The following UBE2K variants were observed in gnomAD, a reference collection of about 807,000 sequenced individuals.
UBE2K encodes ubiquitin-conjugating enzyme E2 K.
In UBE2K, 6 loss-of-function variants were observed where a neutral mutation model predicts 30.0. The observed-to-expected ratio is 0.20, with a 90% CI of 0.11 to 0.39. The LOEUF (loss-of-function observed/expected upper bound fraction) is 0.39, where lower values mean the gene tolerates loss of function less well. Ranked by LOEUF, UBE2K falls within the 10% of genes least tolerant of loss-of-function variation. The pLI is 1.00. For missense variants in UBE2K, 61 were observed against 241.6 expected (o/e 0.25, Z 4.96); for synonymous variants, 86 against 83.7 (o/e 1.03, Z -0.15).
At chr4:39,703,151 C>T (rs58438882) in intron 1 of UBE2K, among the ~76,000 whole-genome samples, 16,250 of 152,060 alleles carry the variant, frequency 0.11, 1,263 homozygotes, top group East Asian at 0.22. Flanking sequence ...CTACCATGCC[C>T]GGTTAATGTT....
chr4:39,733,457 C>T (rs918675824), intron 1 of UBE2K, among the ~76,000 whole-genome samples: 5 of 151,632 alleles, frequency 3.3e-5, no homozygotes, highest in Admixed American at 6.6e-5. Context: ...CTCAGTCTCC[C>T]GAGTAGCTGG....
chr4:39,736,090 AAGTC>A (rs1302626396), intron 1 of UBE2K, among the ~76,000 whole-genome samples: 2 of 152,114 alleles, frequency 1.3e-5, no homozygotes, highest in African/African-American at 2.4e-5. Flanking sequence ...AAGTTTAAGA[AAGTC>A]AGTCTAAAAG....
At chr4:39,718,313 G>C (rs1452650970) in intron 1 of UBE2K, among the ~76,000 whole-genome samples, 1 of 152,182 alleles carries the variant, frequency 6.6e-6, no homozygotes, top group Non-Finnish European at 1.5e-5. Context: ...CAAACCCTGA[G>C]CTAGACACAG....
chr4:39,710,034 T>TG (rs1718582360), intron 1 of UBE2K: 1 of 151,988 alleles, frequency 6.6e-6, no homozygotes, highest in African/African-American at 2.4e-5. Context: ...TCTGAAAAGG[T>TG]GGGAGAACTT....
chr4:39,746,364 C>A (rs1720989626), intron 3 of UBE2K, among the ~76,000 whole-genome samples: 1 of 152,124 alleles, frequency 6.6e-6, no homozygotes, highest in Non-Finnish European at 1.5e-5. Context: ...GGGACCCAAC[C>A]TAAACTTATT....
chr4:39,713,785 T>G (rs1454622253), intron 1 of UBE2K: 1 of 152,032 alleles, frequency 6.6e-6, no homozygotes, highest in Non-Finnish European at 1.5e-5. Context: ...TGCTCTATCA[T>G]TCATTATTTG....
chr4:39,720,240 G>A (rs1719345169), intron 1 of UBE2K, among the ~76,000 whole-genome samples: 1 of 152,064 alleles, frequency 6.6e-6, no homozygotes, highest in East Asian at 1.9e-4. Flanking sequence ...GCATGTAAGT[G>A]TTAATAATGT....
chr4:39,770,371 A>G, intron 4 of UBE2K: 2 of 1,613,452 alleles, frequency 1.2e-6, no homozygotes, highest in South Asian at 1.1e-5. Context: ...TCCTTGCCAC[A>G]GCGAGGGCAC....
chr4:39,728,380 C>T (rs191375734), intron 1 of UBE2K, among the ~76,000 whole-genome samples: 75 of 152,214 alleles, frequency 4.9e-4, no homozygotes, highest in African/African-American at 1.5e-3. Context: ...GAGACTGAGG[C>T]GGGAGAATTG....
At chr4:39,770,240 G>T (rs1228826410) in intron 4 of UBE2K, 3 of 1,605,726 alleles carry the variant, frequency 1.9e-6, no homozygotes, top group Non-Finnish European at 2.6e-6. Context: ...CCGAGTGCAG[G>T]TTGAGGTGGT....
rs115308783 is a variant in UBE2K at position 39,722,043 on chromosome 4, C to T, written c.64-15377C>T. Among the ~76,000 whole-genome samples the T allele has an allele frequency of 6.9e-3, 1,055 of 152,246 alleles. 13 individuals carry two copies. Among genetic ancestry groups the T allele is most frequent in the African/African-American group, 0.024 (997 of 41,528 alleles). ...GGTACAGTGCCATGATCATGGCTCA[C>T]TGCAGCCTCTGCAGTCCGGCCTAGG... On this transcript the variant is annotated intron_variant, in intron 1 of 6. Transcript: ENST00000261427.
At chr4:39,767,641 A>T (rs1005445352) in intron 4 of UBE2K, among the ~76,000 whole-genome samples, 4 of 152,138 alleles carry the variant, frequency 2.6e-5, no homozygotes, top group Non-Finnish European at 4.4e-5. Context: ...TCAGTTTTCA[A>T]GAAAAGTGTT....
intron 4 of UBE2K, among the ~76,000 whole-genome samples, chr4:39,766,807 T>A (rs1019988685): frequency 2.0e-5 from 3 of 152,168 alleles, no homozygotes; most frequent in Non-Finnish European, 4.4e-5. Context: ...TGGATTGCAG[T>A]GACACAATCT....
In UBE2K at chr4:39,782,490, T is replaced by A. The variant is rs1169251953; in HGVS notation, c.*4056T>A. ...TACTGCCATTATAGGGAACCTTGCT[T>A]GTTAGCTTCTCTAGATCTCTATTCT... On this transcript the variant is annotated 3_prime_UTR_variant, in exon 7 of 7. Coordinates refer to ENST00000261427, the MANE Select transcript of UBE2K (RefSeq NM_005339.5). 6.6e-6 allele frequency: 1 copy of A among 152,146 alleles called. No homozygotes were observed. Among genetic ancestry groups the A allele is most frequent in the Non-Finnish European group, 1.5e-5 (1 of 68,036 alleles). 9.4% of individuals were successfully genotyped at this position (152,146 alleles called of 1,614,324 possible).
chr4:39,701,021 G>T (rs114057987), intron 1 of UBE2K, among the ~76,000 whole-genome samples: 1 of 152,084 alleles, frequency 6.6e-6, no homozygotes, highest in Non-Finnish European at 1.5e-5. Context: ...TGTGTAGAGA[G>T]TTGGGTGTCT....
intron 5 of UBE2K, among the ~76,000 whole-genome samples, chr4:39,777,017 TAA>T (rs1560383755): frequency 6.6e-6 from 1 of 152,208 alleles, no homozygotes; most frequent in Non-Finnish European, 1.5e-5. Context: ...AAAGAAATAT[TAA>T]AGTGAATTGA....
Position 39,769,974 on chromosome 4 carries a change from C to T in UBE2K, c.300-4860C>T, listed in dbSNP as rs1319838813. The T allele has an allele frequency of 6.2e-6, 5 of 807,144 alleles. No homozygotes were observed. In the South Asian group the frequency reaches 7.1e-5, roughly 11 times the overall value. The allele number at this position is 807,144 out of a possible 1,614,324, so 50.0% of individuals were successfully genotyped here. ...GTGTGCATCTGCTCAGCCTCCCACT[C>T]TTACCTTTCTGCCCCAGACCCCCCA... On this transcript the variant is annotated intron_variant, in intron 4 of 6. Coordinates refer to ENST00000261427, the MANE Select transcript of UBE2K (RefSeq NM_005339.5).
In UBE2K at chr4:39,763,040, T is replaced by G. The variant is rs950815844; in HGVS notation, c.299+7301T>G. Among the ~76,000 whole-genome samples, 17 of 144,330 alleles carry G rather than the reference T, an allele frequency of 1.2e-4. No homozygotes were observed. The South Asian group carries it at 2.0e-3, about 17-fold the overall frequency. 94.7% of individuals were successfully genotyped at this position (144,330 alleles called of 152,430 possible). ...ACCTCCACCTCCCGGGTTTAAGCAC[T>G]TCTCGTGCCCTCATGCCTCAGCCTC... On this transcript the variant is annotated intron_variant, in intron 4 of 6. Coordinates refer to ENST00000261427, the MANE Select transcript of UBE2K (RefSeq NM_005339.5).
Position 39,701,015 on chromosome 4 carries a change from TAG to T in UBE2K, c.63+2630_63+2631del, listed in dbSNP as rs773580085. On this transcript the variant is annotated intron_variant, in intron 1 of 6. Transcript: ENST00000261427. ...TTGGTAAAATTGATTGCTTTCTGTG[TAG>T]AGAGTTGGGTGTCTGGGGTATAGAT... 1.1e-4 allele frequency among the ~76,000 whole-genome samples: 16 copies of T among 152,346 alleles called. No homozygotes were observed. In the East Asian group the frequency reaches 2.7e-3, roughly 26 times the overall value.
Sources: allele counts gnomAD v4.1 joint callset (sites outside exome capture counted in the v4.1 genomes callset), GRCh38; gene constraint gnomAD v4.1.1; transcripts MANE v1.5; gene names NCBI Gene and HGNC (gene_info 2026-07-23, HGNC 2026-07-21).